Variants in TMEM248 observed in about 807,000 individuals in gnomAD.
The protein encoded by TMEM248 is transmembrane protein 248, also known as UPF0458 protein C7orf42.
A neutral mutation model predicts 30.3 loss-of-function variants in TMEM248; 9 were observed. That is an observed-to-expected ratio of 0.30 (90% CI 0.18 to 0.52). The LOEUF (loss-of-function observed/expected upper bound fraction) is 0.52. TMEM248 is among the 20% of genes least tolerant of loss of function. The pLI is 0.97. For synonymous variants in TMEM248, 184 were observed against 154.4 expected (o/e 1.19, Z -1.42); for missense variants, 338 against 403.3 (o/e 0.84, Z 1.39).
intron 1 of TMEM248, among the ~76,000 whole-genome samples, chr7:66,937,317 A>G (rs538314851): frequency 1.3e-5 from 2 of 152,098 alleles, no homozygotes; most frequent in African/African-American, 2.4e-5. Context: ...ATGTTTTAAG[A>G]CTTGTTCTGT....
At chr7:66,923,431 C>G (rs1436348676) in intron 1 of TMEM248, among the ~76,000 whole-genome samples, 1 of 152,158 alleles carries the variant, frequency 6.6e-6, no homozygotes, top group Non-Finnish European at 1.5e-5. Context: ...TGTGAGCCAC[C>G]TTGCTCAGCC....
chr7:66,946,635 G>T lies in TMEM248; in HGVS notation c.445+1374G>T, dbSNP rs147809921. On this transcript the variant is annotated intron_variant, in intron 3 of 6. Transcript: ENST00000341567. The stretch of plus-strand genomic sequence containing the variant: ...TTCCTTTTGGAATTTTGGGGTTATG[G>T]AAGAGACAAAGATAAACGTGAGTTA... Among the ~76,000 whole-genome samples, 60 of 152,160 alleles carry T rather than the reference G, an allele frequency of 3.9e-4. No homozygotes were observed. In the East Asian group the frequency reaches 9.1e-3, roughly 23 times the overall value.
chr7:66,938,449 G>A (rs1791860814), intron 1 of TMEM248, among the ~76,000 whole-genome samples: 1 of 152,114 alleles, frequency 6.6e-6, no homozygotes, highest in Non-Finnish European at 1.5e-5. Flanking sequence ...TGGGTGAATT[G>A]TATGGTATGT....
At chr7:66,937,774 G>A (rs10266792) in intron 1 of TMEM248, among the ~76,000 whole-genome samples, 15,817 of 151,960 alleles carry the variant, frequency 0.1, 907 homozygotes, top group Non-Finnish European at 0.11. Flanking sequence ...GCAATGGCGC[G>A]ACCTTGGCTC....
At chr7:66,921,729 G>A (rs1407348693) in intron 1 of TMEM248, 1 of 152,306 alleles carries the variant, frequency 6.6e-6, no homozygotes, top group Non-Finnish European at 1.5e-5. Context: ...TCCCACGTCT[G>A]GAGCCGAGGC....
intron 5 of TMEM248, among the ~76,000 whole-genome samples, chr7:66,951,539 T>C (rs1343959702): frequency 6.6e-6 from 1 of 151,248 alleles, no homozygotes; most frequent in Non-Finnish European, 1.5e-5. Context: ...TAGAAGGGAG[T>C]AGTAGGAGGA....
chr7:66,942,944 G>A (rs2129224051), intron 2 of TMEM248, among the ~76,000 whole-genome samples: 1 of 150,994 alleles, frequency 6.6e-6, no homozygotes. Context: ...GGAGAGGAGA[G>A]TTGTGTTCCA....
chr7:66,923,897 G>T lies in TMEM248; in HGVS notation c.-19+2436G>T, dbSNP rs116579791. 7.7e-3 allele frequency among the ~76,000 whole-genome samples: 1,164 copies of T among 152,094 alleles called. 18 individuals are homozygous for T. The highest frequency in any genetic ancestry group is 0.026 in the African/African-American group (1,095 of 41,506). ...GCCAGGCTGGTCTCAAACCCTTGAC[G>T]TCAAGTGATCCGCCTGCCTCAGCCT... On this transcript the variant is annotated intron_variant, in intron 1 of 6. Transcript: ENST00000341567.
intron 1 of TMEM248, among the ~76,000 whole-genome samples, chr7:66,937,550 T>C (rs554066882): frequency 2.6e-5 from 4 of 152,236 alleles, no homozygotes; most frequent in African/African-American, 9.6e-5. Context: ...TGGGTACATA[T>C]ATATTTATAA....
At chr7:66,922,068 T>C (rs1216905765) in intron 1 of TMEM248, 2 of 152,270 alleles carry the variant, frequency 1.3e-5, no homozygotes, top group Non-Finnish European at 2.9e-5. Context: ...TTGAGTCGTT[T>C]GAACGCCGTA....
Position 66,955,550 on chromosome 7 carries a change from G to A in TMEM248, c.*28G>A, listed in dbSNP as rs199710120. 6.2e-7 allele frequency: 1 copy of A among 1,613,926 alleles called. No individual in the cohort carries two copies. ...CCACAGCTCCTTGTTTTTTGAGAGAGACTGAGAGAACCATAATCCTTGCCT... is the reference window on the plus strand; with the variant it reads ...CCACAGCTCCTTGTTTTTTGAGAGAAACTGAGAGAACCATAATCCTTGCCT... On this transcript the variant is annotated 3_prime_UTR_variant, in exon 7 of 7. Coordinates refer to ENST00000341567, the MANE Select transcript of TMEM248 (RefSeq NM_017994.5).
chr7:66,955,573 C>T lies in TMEM248; in HGVS notation c.*51C>T. Reference sequence around the variant, plus strand: ...GAGACTGAGAGAACCATAATCCTTGCCTGCTGAACCCAGCCTGGGCCTGGA... The same window carrying T: ...GAGACTGAGAGAACCATAATCCTTGTCTGCTGAACCCAGCCTGGGCCTGGA... On this transcript the variant is annotated 3_prime_UTR_variant, in exon 7 of 7. Coordinates refer to ENST00000341567, the MANE Select transcript of TMEM248 (RefSeq NM_017994.5). 1 of 1,609,512 alleles carries T rather than the reference C, an allele frequency of 6.2e-7. No homozygotes were observed. The highest frequency in any genetic ancestry group is 1.1e-5 in the South Asian group (1 of 90,690).
intron 4 of TMEM248, among the ~76,000 whole-genome samples, chr7:66,949,222 C>T (rs1792197127): frequency 6.6e-6 from 1 of 152,010 alleles, no homozygotes; most frequent in Admixed American, 6.6e-5. Flanking sequence ...TGCGGTGTCT[C>T]ATGCCTATAA....
At chr7:66,926,044 A>G (rs1423533413) in intron 1 of TMEM248, among the ~76,000 whole-genome samples, 1 of 152,100 alleles carries the variant, frequency 6.6e-6, no homozygotes, top group Non-Finnish European at 1.5e-5. Context: ...CATTCTCACC[A>G]GCATTTGTTT....
intron 1 of TMEM248, among the ~76,000 whole-genome samples, chr7:66,940,910 C>T (rs1791929667): frequency 6.6e-6 from 1 of 151,496 alleles, no homozygotes; most frequent in Non-Finnish European, 1.5e-5. Flanking sequence ...CCCACCTAAA[C>T]CTTTTCTTAA....
At chr7:66,941,466 G>GA (rs1183588783) in intron 1 of TMEM248, among the ~76,000 whole-genome samples, 6 of 151,592 alleles carry the variant, frequency 4.0e-5, no homozygotes, top group African/African-American at 1.5e-4. Flanking sequence ...GAGGTGGGAG[G>GA]ATAGCTTAAG....
chr7:66,923,575 A>G (rs1341952577), intron 1 of TMEM248, among the ~76,000 whole-genome samples: 1 of 152,248 alleles, frequency 6.6e-6, no homozygotes, highest in African/African-American at 2.4e-5. Flanking sequence ...CTGGACAATC[A>G]GTGCCTAGAA....
rs191949278 is a variant in TMEM248, at chr7:66,955,709, A to G, written c.*187A>G. 1.0e-4 allele frequency: 76 copies of G among 735,740 alleles called. No homozygotes were observed. The African/African-American group carries it at 1.2e-3, about 12-fold the overall frequency. 45.6% of individuals were successfully genotyped at this position (735,740 alleles called of 1,614,324 possible). A position where few individuals can be genotyped will look rare whatever the true frequency, so the allele number is the denominator to read the frequency against. The stretch of plus-strand genomic sequence containing the variant: ...TAAAAATCTATTCAGAAATTGGTCC[A>G]ATAATGCACGTGCTTTGCCCTGGGT... On this transcript the variant is annotated 3_prime_UTR_variant, in exon 7 of 7. Transcript: ENST00000341567.
Position 66,955,814 on chromosome 7 carries a change from T to G in TMEM248, c.*292T>G. The G allele has an allele frequency of 2.4e-6, 1 of 409,462 alleles. No homozygotes were observed. Among genetic ancestry groups the G allele is most frequent in the African/African-American group, 2.1e-5 (1 of 48,474 alleles). The allele number at this position is 409,462 out of a possible 1,614,324, so 25.4% of individuals were successfully genotyped here. On this transcript the variant is annotated 3_prime_UTR_variant, in exon 7 of 7. Coordinates refer to ENST00000341567, the MANE Select transcript of TMEM248 (RefSeq NM_017994.5). ...TTTCCACGTGTCTCTAGAGAAGGAT[T>G]CCTGGATCTAGCTGGTCACGACGAT...
Sources: allele counts gnomAD v4.1 joint callset (sites outside exome capture counted in the v4.1 genomes callset), GRCh38; gene constraint gnomAD v4.1.1; transcripts MANE v1.5; gene names NCBI Gene and HGNC (gene_info 2026-07-23, HGNC 2026-07-21).